The following EDDM13 variants were observed in gnomAD, a reference collection of about 807,000 sequenced individuals.
EDDM13 encodes the protein epididymal protein 13.
EDDM13 carries 24 observed loss-of-function variants against 17.8 expected under a neutral mutation model. The ratio of observed to expected loss-of-function variants is 1.35; its 90% CI spans 0.98 to 1.90. The LOEUF is 1.90. Ranked by LOEUF, EDDM13 falls within the 40% of genes most tolerant of loss-of-function variation. EDDM13 has a pLI of 0.00. For missense variants in EDDM13, 97 were observed against 100.8 expected (o/e 0.96, Z 0.16); for synonymous variants, 31 against 37.5 (o/e 0.83, Z 0.63).
intron 13 of EDDM13, among the ~76,000 whole-genome samples, chr19:56,302,456 GTCTGC>G (rs2040322441): frequency 8.9e-6 from 1 of 112,532 alleles, no homozygotes; most frequent in African/African-American, 3.5e-5. Flanking sequence ...TCCTCTCTCC[GTCTGC>G]TTCCTCCCTC....
chr19:56,308,119 C>T (rs944576406), intron 14 of EDDM13, among the ~76,000 whole-genome samples: 4 of 152,262 alleles, frequency 2.6e-5, no homozygotes, highest in African/African-American at 4.8e-5. Context: ...CTGCAACCTC[C>T]GCCTCCCGGG....
chr19:56,289,438 G>A (rs1379011526), intron 8 of EDDM13, among the ~76,000 whole-genome samples: 4 of 152,098 alleles, frequency 2.6e-5, no homozygotes, highest in African/African-American at 4.8e-5. Flanking sequence ...CAGTCTCTTC[G>A]GAAGACAGAC....
At chr19:56,298,678 CCT>C (rs2040038957) in intron 12 of EDDM13, among the ~76,000 whole-genome samples, 1 of 151,746 alleles carries the variant, frequency 6.6e-6, no homozygotes, top group Non-Finnish European at 1.5e-5. Flanking sequence ...TCTGAATAAT[CCT>C]CTATCTATTA....
rs116200132 is a variant in EDDM13, at chr19:56,277,612, T to C, written c.103+1503T>C. Reference sequence around the variant, plus strand: ...GTGATTAAAGCCTCTAAAACTGGTGTAGTGATGGTCGTACAAGTCTGAGTA... The same window carrying C: ...GTGATTAAAGCCTCTAAAACTGGTGCAGTGATGGTCGTACAAGTCTGAGTA... On this transcript the variant is annotated intron_variant, in intron 2 of 14. Transcript: ENST00000649256. Among the ~76,000 whole-genome samples, 712 of 152,200 alleles carry C rather than the reference T, an allele frequency of 4.7e-3. 10 individuals are homozygous for C. Among genetic ancestry groups the C allele is most frequent in the African/African-American group, 0.016 (672 of 41,516 alleles).
chr19:56,296,603 C>T (rs986509180), intron 11 of EDDM13, among the ~76,000 whole-genome samples: 2 of 152,012 alleles, frequency 1.3e-5, no homozygotes, highest in African/African-American at 4.8e-5. Flanking sequence ...ATAAAACAGA[C>T]AGAAGTCTGT....
chr19:56,302,670 T>G (rs1600237352), intron 13 of EDDM13, among the ~76,000 whole-genome samples: 1 of 114,594 alleles, frequency 8.7e-6, no homozygotes. Flanking sequence ...TGTTCTTTCC[T>G]TCCTCCTTCC....
intron 12 of EDDM13, among the ~76,000 whole-genome samples, chr19:56,299,145 T>C (rs2040068227): frequency 1.3e-5 from 2 of 152,180 alleles, no homozygotes; most frequent in African/African-American, 4.8e-5. Flanking sequence ...CATTATTTTT[T>C]TTTTGAGACA....
chr19:56,291,858 G>A (rs1005038362), intron 9 of EDDM13, among the ~76,000 whole-genome samples: 2 of 152,194 alleles, frequency 1.3e-5, no homozygotes, highest in Admixed American at 1.3e-4. Flanking sequence ...GTAATGCCAT[G>A]ATGAGGATGG....
Position 56,302,184 on chromosome 19 carries a change from G to T in EDDM13, c.423+89G>T, listed in dbSNP as rs961283329. Reference sequence around the variant, plus strand: ...GGGCACAGAGGAAGCGAAGGAGGGTGCCTCAGAGGTGCCAAGCAGGAAGTG... The same window carrying T: ...GGGCACAGAGGAAGCGAAGGAGGGTTCCTCAGAGGTGCCAAGCAGGAAGTG... On this transcript the variant is annotated intron_variant, in intron 13 of 14. Transcript: ENST00000649256. 9 of 997,694 alleles carry T rather than the reference G, an allele frequency of 9.0e-6. No individual in the cohort carries two copies. In the African/African-American group the frequency reaches 1.2e-4, roughly 13 times the overall value. 61.8% of individuals were successfully genotyped at this position (997,694 alleles called of 1,614,324 possible).
At chr19:56,275,663 A>G (rs2038193850) in intron 1 of EDDM13, among the ~76,000 whole-genome samples, 1 of 152,234 alleles carries the variant, frequency 6.6e-6, no homozygotes, top group Non-Finnish European at 1.5e-5. Flanking sequence ...GAACAGGCTA[A>G]GCTTGAAGCA....
At chr19:56,293,090 A>G (rs1264165366) in intron 9 of EDDM13, among the ~76,000 whole-genome samples, 1 of 152,156 alleles carries the variant, frequency 6.6e-6, no homozygotes, top group Non-Finnish European at 1.5e-5. Context: ...ACCCACCTCC[A>G]AACCCCACTT....
At chr19:56,282,577 G>C in intron 4 of EDDM13, 78 bp downstream of exon 4, 1 of 888,434 alleles carries the variant, frequency 1.1e-6, no homozygotes, top group Non-Finnish European at 1.3e-6. Flanking sequence ...GCTGAACTTC[G>C]ACTTACGTTT....
chr19:56,278,144 C>T (rs933734275), intron 2 of EDDM13, among the ~76,000 whole-genome samples: 1 of 149,588 alleles, frequency 6.7e-6, no homozygotes, highest in Admixed American at 6.7e-5. Context: ...ATTTTGGAGA[C>T]GTAGTCTTGC....
At chr19:56,290,424 G>A (rs2039435293) in intron 8 of EDDM13, among the ~76,000 whole-genome samples, 1 of 152,230 alleles carries the variant, frequency 6.6e-6, no homozygotes, top group African/African-American at 2.4e-5. Flanking sequence ...CCCTTTAGAG[G>A]TCAGACATTT....
rs2040577297 is a variant in EDDM13, at chr19:56,304,816, G to A, written c.447G>A (p.Leu149=). 1.0e-6 allele frequency: 1 copy of A among 984,910 alleles called. No homozygotes were observed. The allele number at this position is 984,910 out of a possible 1,614,324, so 61.0% of individuals were successfully genotyped here. The part of the protein sequence containing the change: ...GDWCYCHYCN[L]ELDIRDDPCC... ...AGTGTTACTGCCACTACTGTAACTT[G>A]GAACTGGACATCAGGTATGCTATGG... is the stretch of plus-strand genomic sequence containing the variant. The change falls in exon 14 of 15, where the codon TTG becomes TTA. Residue 149 remains leucine (L), a synonymous_variant. Transcript: ENST00000649256.
Position 56,296,727 on chromosome 19 carries a change from G to A in EDDM13, c.268+365G>A, listed in dbSNP as rs1001353802. Among the ~76,000 whole-genome samples, 15 of 151,984 alleles carry A rather than the reference G, an allele frequency of 9.9e-5. No individual in the cohort carries two copies. In the South Asian group the frequency reaches 1.7e-3, roughly 17 times the overall value. On this transcript the variant is annotated intron_variant, in intron 11 of 14. Transcript: ENST00000649256. ...ACAATAGAGTAATGGGGATGGAAACGCAGTGCGGGAAACTTAAGTTTTTTG... is the reference window on the plus strand; with the variant it reads ...ACAATAGAGTAATGGGGATGGAAACACAGTGCGGGAAACTTAAGTTTTTTG...
rs117757048 is a variant in EDDM13, at chr19:56,306,178, C to T, written c.461+1348C>T. ...CAGTTAAGAGGCTACTCAGTTTCCA[C>T]GAGATGACGGTAGCCTGGTCAAGGC... On this transcript the variant is annotated intron_variant, in intron 14 of 14. Coordinates refer to ENST00000649256, the MANE Select transcript of EDDM13 (RefSeq NM_001354658.2). Among the ~76,000 whole-genome samples, 98 of 152,330 alleles carry T rather than the reference C, an allele frequency of 6.4e-4. 3 individuals carry two copies. The East Asian group carries it at 0.017, about 26-fold the overall frequency.
chr19:56,288,926 G>C (rs2147135194), intron 8 of EDDM13, among the ~76,000 whole-genome samples, 35 bp downstream of exon 8: 1 of 152,314 alleles, frequency 6.6e-6, no homozygotes, highest in Non-Finnish European at 1.5e-5. Context: ...TCTGAAATTA[G>C]ATTCTCATAA....
At chr19:56,299,255 C>G (rs887753502) in intron 12 of EDDM13, among the ~76,000 whole-genome samples, 2 of 151,988 alleles carry the variant, frequency 1.3e-5, no homozygotes, top group Non-Finnish European at 2.9e-5. Context: ...TCTACAGCCT[C>G]TGAGTAGCTG....
Sources: gnomAD v4.1 joint callset for allele counts (sites outside exome capture counted in the v4.1 genomes callset) on GRCh38, gnomAD v4.1.1 for gene constraint, MANE v1.5 for transcripts, NCBI Gene and HGNC (gene_info 2026-07-23, HGNC 2026-07-21) for gene names.